The following PLA2G4A variants were observed in gnomAD, a reference collection of about 807,000 sequenced individuals.
PLA2G4A encodes the protein cytosolic phospholipase A2.
A neutral mutation model predicts 81.9 loss-of-function variants in PLA2G4A; 40 were observed. The observed-to-expected ratio is 0.49, with a 90% CI of 0.38 to 0.64. The LOEUF is 0.64. PLA2G4A is among the 30% of genes least tolerant of loss of function. The pLI is 0.00. For missense variants in PLA2G4A, 715 were observed against 905.1 expected, an observed-to-expected ratio of 0.79 and a Z score of 2.69; for synonymous variants, 302 against 296.9, an observed-to-expected ratio of 1.02 and a Z score of -0.18.
chr1:186,909,905 T>G (rs907741057), intron 6 of PLA2G4A, among the ~76,000 whole-genome samples: 7 of 152,166 alleles, frequency 4.6e-5, no homozygotes, highest in Non-Finnish European at 1.0e-4. Context: ...ATTGCTAATA[T>G]GCCAAATTTG....
At chr1:186,959,251 G>C (rs922557630) in intron 14 of PLA2G4A, among the ~76,000 whole-genome samples, 1 of 152,064 alleles carries the variant, frequency 6.6e-6, no homozygotes, top group African/African-American at 2.4e-5. Context: ...CGCATTTGGA[G>C]AATAATAGTT....
intron 16 of PLA2G4A, among the ~76,000 whole-genome samples, chr1:186,978,582 C>G (rs1657611811): frequency 6.6e-6 from 1 of 152,186 alleles, no homozygotes; most frequent in Non-Finnish European, 1.5e-5. Context: ...GGAAATCTGA[C>G]ATTTTTAGTT....
At chr1:186,891,412 GT>G (rs10708367) in intron 3 of PLA2G4A, among the ~76,000 whole-genome samples, 54,134 of 151,492 alleles carry the variant, frequency 0.36, 10,472 homozygotes, top group African/African-American at 0.48. Context: ...TTTCTGTTGT[GT>G]TTTTTTTGTA....
chr1:186,918,613 T>C (rs1190930992), intron 7 of PLA2G4A, among the ~76,000 whole-genome samples: 3 of 152,170 alleles, frequency 2.0e-5, no homozygotes, highest in Non-Finnish European at 4.4e-5. Flanking sequence ...CATGTATAAC[T>C]CCCAGTCTAC....
intron 1 of PLA2G4A, among the ~76,000 whole-genome samples, chr1:186,853,444 T>C (rs2102026036): frequency 6.6e-6 from 1 of 151,936 alleles, no homozygotes; most frequent in African/African-American, 2.4e-5. Flanking sequence ...AAAGTTGATG[T>C]TTAAAAAGAA....
intron 2 of PLA2G4A, among the ~76,000 whole-genome samples, chr1:186,865,931 C>G (rs1470122662): frequency 6.6e-6 from 1 of 152,014 alleles, no homozygotes; most frequent in East Asian, 1.9e-4. Context: ...ATTTTAAATG[C>G]AGAAAGACAC....
rs1046480767 is a variant in PLA2G4A, at chr1:186,930,125, G to A, written c.559-2638G>A. Among the ~76,000 whole-genome samples the A allele has an allele frequency of 3.9e-5, 6 of 152,154 alleles. No homozygotes were observed. The East Asian group carries it at 9.7e-4, about 25-fold the overall frequency. On this transcript the variant is annotated intron_variant, in intron 7 of 17. Coordinates refer to ENST00000367466, the MANE Select transcript of PLA2G4A (RefSeq NM_024420.3). ...CAAAACAAACAAACAAACAAACGGA[G>A]TAATAGTATGTACTGACAGGTTATG...
chr1:186,903,634 G>A (rs1654627219), intron 5 of PLA2G4A, among the ~76,000 whole-genome samples: 1 of 152,156 alleles, frequency 6.6e-6, no homozygotes, highest in South Asian at 2.1e-4. Flanking sequence ...CTACAAGTGT[G>A]AAGGATCTAG....
intron 8 of PLA2G4A, among the ~76,000 whole-genome samples, chr1:186,934,461 T>TACACACACACACAC (rs778835783): frequency 7.3e-6 from 1 of 137,688 alleles, no homozygotes; most frequent in Admixed American, 7.3e-5. Context: ...TATATATATA[T>TACACACACACACAC]ATACATACAC....
chr1:186,955,129 G>A (rs1656701670), intron 13 of PLA2G4A, among the ~76,000 whole-genome samples: 1 of 152,172 alleles, frequency 6.6e-6, no homozygotes, highest in African/African-American at 2.4e-5. Flanking sequence ...GAGTAATGGT[G>A]TATGCATAGG....
At chr1:186,838,153 T>C (rs907168489) in intron 1 of PLA2G4A, among the ~76,000 whole-genome samples, 3 of 152,158 alleles carry the variant, frequency 2.0e-5, no homozygotes, top group Non-Finnish European at 2.9e-5. Context: ...TCTTGTAGTG[T>C]AGAGAACCTC....
Position 186,940,014 on chromosome 1 carries a change from A to G in PLA2G4A, c.953A>G (p.Lys318Arg). ...ACTACTCTGAGCAGTTTGAAGGAAA[A>G]AGTTAATACTGCACAATGCCCTTTA... ...MNTTLSSLKE[K>R]VNTAQCPLPL... The change falls in exon 10 of 18, where the codon AAA (lysine) becomes AGA (arginine). Residue 318 changes from lysine (K) to arginine (R), a missense_variant. Physicochemically the swap from Lys to Arg is conservative, Grantham distance 26. Coordinates refer to ENST00000367466, the MANE Select transcript of PLA2G4A (RefSeq NM_024420.3). 1 of 1,602,008 alleles carries G rather than the reference A, an allele frequency of 6.2e-7. No individual in the cohort carries two copies. The highest frequency in any genetic ancestry group is 8.6e-7 in the Non-Finnish European group (1 of 1,169,092).
intron 1 of PLA2G4A, among the ~76,000 whole-genome samples, chr1:186,842,005 T>TATA (rs1651999227): frequency 6.6e-6 from 1 of 152,064 alleles, no homozygotes; most frequent in Non-Finnish European, 1.5e-5. Context: ...CTCTCTCCTT[T>TATA]ATAATCTTCA....
At chr1:186,857,915 C>T (rs1265753702) in intron 2 of PLA2G4A, among the ~76,000 whole-genome samples, 2 of 152,066 alleles carry the variant, frequency 1.3e-5, no homozygotes, top group Non-Finnish European at 2.9e-5. Flanking sequence ...ATCCATGTCC[C>T]TGCAAAGGAC....
chr1:186,875,180 C>A (rs1405681453), intron 3 of PLA2G4A, among the ~76,000 whole-genome samples: 5 of 152,014 alleles, frequency 3.3e-5, no homozygotes, highest in Non-Finnish European at 5.9e-5. Flanking sequence ...TGTTTGCTTA[C>A]CCTGAGATCT....
chr1:186,864,378 C>T (rs1652933781), intron 2 of PLA2G4A, among the ~76,000 whole-genome samples: 2 of 152,062 alleles, frequency 1.3e-5, no homozygotes, highest in African/African-American at 4.8e-5. Flanking sequence ...AACCTCCATA[C>T]TGTTTTACAC....
intron 17 of PLA2G4A, among the ~76,000 whole-genome samples, chr1:186,986,433 G>C (rs1022920303): frequency 6.6e-6 from 1 of 152,182 alleles, no homozygotes; most frequent in African/African-American, 2.4e-5. Context: ...GAAACCAATT[G>C]ATAAATTTGC....
chr1:186,979,266 A>G (rs762174174), intron 16 of PLA2G4A, 49 bp from the exon 17 acceptor site: 2 of 1,384,308 alleles, frequency 1.4e-6, no homozygotes, highest in Non-Finnish European at 2.1e-6. Flanking sequence ...TTTTAGAGAT[A>G]TTTTGTAGTT....
intron 1 of PLA2G4A, among the ~76,000 whole-genome samples, chr1:186,836,910 T>C (rs1326002030): frequency 6.6e-6 from 1 of 152,132 alleles, no homozygotes; most frequent in African/African-American, 2.4e-5. Context: ...TGGGAAGGGC[T>C]CTCTGAGGCA....
Sources: gnomAD v4.1 joint callset for allele counts (sites outside exome capture counted in the v4.1 genomes callset) on GRCh38, gnomAD v4.1.1 for gene constraint, MANE v1.5 for transcripts, NCBI Gene and HGNC (gene_info 2026-07-23, HGNC 2026-07-21) for gene names.